OVCH1: variants seen among roughly 807,000 people sequenced by gnomAD.
OVCH1 encodes the protein ovochymase 1, also known as ovochymase-1.
Under a neutral mutation model 138.4 loss-of-function variants are expected in OVCH1, and 139 were observed. The observed-to-expected ratio is 1.00, with a 90% confidence interval of 0.87 to 1.16. OVCH1 has a LOEUF of 1.16. Among genes scored for constraint, OVCH1 ranks in the 50% most tolerant of loss-of-function variants. The probability of loss-of-function intolerance (pLI) is 0.00; values close to 1 mark genes in which losing one functional copy is unlikely to be tolerated. For missense variants in OVCH1, 1,367 were observed against 1,357.9 expected, an observed-to-expected ratio of 1.01 and a Z score of -0.11; for synonymous variants, 453 against 467.8, an observed-to-expected ratio of 0.97 and a Z score of 0.41.
chr12:29,405,277 C>T, the OVCH1 span, among the ~76,000 whole-genome samples: 1 of 151,830 alleles, frequency 6.6e-6, no homozygotes, highest in Non-Finnish European at 1.5e-5. Context: ...TATGAATCAG[C>T]AAATGCCAGT....
intron 22 of OVCH1, among the ~76,000 whole-genome samples, chr12:29,447,139 T>TA (rs1233199288): frequency 6.6e-6 from 1 of 151,884 alleles, no homozygotes; most frequent in Non-Finnish European, 1.5e-5. Flanking sequence ...TACTCAAATT[T>TA]AAAAACTGGA....
intron 14 of OVCH1, 32 bp downstream of exon 14, chr12:29,475,029 A>G (rs1473079132): frequency 1.3e-6 from 2 of 1,563,320 alleles, no homozygotes; most frequent in Non-Finnish European, 8.7e-7. Flanking sequence ...TGCATAAACA[A>G]AAGTCCTTAT....
intron 6 of OVCH1, among the ~76,000 whole-genome samples, chr12:29,488,620 C>CAAA (rs67595567): frequency 6.1e-3 from 375 of 61,544 alleles, no homozygotes; most frequent in Middle Eastern, 9.8e-3. Flanking sequence ...GACTCCATCT[C>CAAA]AAAAAAAAAA....
intron 8 of OVCH1, among the ~76,000 whole-genome samples, chr12:29,485,965 A>T (rs1943089055): frequency 1.3e-5 from 1 of 77,956 alleles, no homozygotes; most frequent in African/African-American, 5.4e-5. Context: ...AAATAAAATA[A>T]AATAAAATAA....
chr12:29,445,494 G>T, intron 22 of OVCH1, 91 bp from the exon 23 acceptor site: 1 of 1,273,382 alleles, frequency 7.9e-7, no homozygotes, highest in Non-Finnish European at 1.1e-6. Context: ...TTTAACCCAC[G>T]AGGTAGGAAT....
intron 22 of OVCH1, among the ~76,000 whole-genome samples, chr12:29,448,539 AGGTATT>A (rs1385611433): frequency 1.3e-5 from 2 of 152,090 alleles, no homozygotes; most frequent in South Asian, 2.1e-4. Context: ...TAAGAATGAG[AGGTATT>A]GGGAACCCAT....
At chr12:29,487,226 A>G in intron 7 of OVCH1, 1 of 180,134 alleles carries the variant, frequency 5.6e-6, no homozygotes, top group Non-Finnish European at 1.2e-5. Flanking sequence ...TGGTATCTCC[A>G]GGCCCACATT....
At chr12:29,436,440 ATT>A (rs1330612345) in intron 26 of OVCH1, among the ~76,000 whole-genome samples, 3 of 152,184 alleles carry the variant, frequency 2.0e-5, no homozygotes, top group South Asian at 2.1e-4. Context: ...AAATTTTCTC[ATT>A]TGTTTTAAAA....
chr12:29,414,556 AAAC>A (rs1941007319), intron 3 of OVCH1, among the ~76,000 whole-genome samples: 1 of 152,212 alleles, frequency 6.6e-6, no homozygotes, highest in African/African-American at 2.4e-5. Context: ...TGTACTTTAA[AAAC>A]TAGCAACTAT....
intron 22 of OVCH1, among the ~76,000 whole-genome samples, chr12:29,448,469 T>G (rs1041777175): frequency 6.6e-6 from 1 of 151,972 alleles, no homozygotes; most frequent in Non-Finnish European, 1.5e-5. Flanking sequence ...TTGAAGGACA[T>G]GAGGCACAAG....
intron 16 of OVCH1, among the ~76,000 whole-genome samples, chr12:29,470,736 T>C (rs1942477455): frequency 6.6e-6 from 1 of 152,206 alleles, no homozygotes. Flanking sequence ...ATATACCCAG[T>C]AATGTGATTG....
intron 6 of OVCH1, 56 bp from the exon 7 acceptor site, chr12:29,487,938 C>T (rs1943159661): frequency 6.7e-7 from 1 of 1,489,036 alleles, no homozygotes; most frequent in South Asian, 1.3e-5. Context: ...TAAAATATTT[C>T]ATCATTTCTG....
intron 27 of OVCH1, chr12:29,431,031 C>T (rs1941258423): frequency 5.3e-6 from 2 of 376,742 alleles, no homozygotes; most frequent in African/African-American, 4.2e-5. Context: ...TAAGAACATT[C>T]AGGGTCAATA....
At chr12:29,432,706 G>C (rs1401513505) in intron 27 of OVCH1, among the ~76,000 whole-genome samples, 2 of 152,142 alleles carry the variant, frequency 1.3e-5, no homozygotes, top group African/African-American at 4.8e-5. Context: ...CACTAAGGAA[G>C]GAGTATAGGT....
At chr12:29,427,785 T>C in intron 27 of OVCH1, 1 of 1,233,092 alleles carries the variant, frequency 8.1e-7, no homozygotes, top group Non-Finnish European at 1.1e-6. Flanking sequence ...AGGTCCAAAA[T>C]CTTTACAGAA....
At chr12:29,433,853 A>G in intron 26 of OVCH1, 1 of 1,350,592 alleles carries the variant, frequency 7.4e-7, no homozygotes, top group Non-Finnish European at 9.8e-7. Flanking sequence ...AATGCCTCCC[A>G]AACTGTATTT....
chr12:29,465,323 A>G, intron 16 of OVCH1, 104 bp from the exon 17 acceptor site: 1 of 951,426 alleles, frequency 1.1e-6, no homozygotes, highest in South Asian at 1.8e-5. Context: ...CTTTCTGAAG[A>G]CGTTCTGAGG....
intron 7 of OVCH1, 90 bp downstream of exon 7, chr12:29,487,603 T>C (rs1943147645): frequency 7.9e-7 from 1 of 1,261,320 alleles, no homozygotes; most frequent in East Asian, 2.6e-5. Context: ...ATTCTTGCTT[T>C]GTTCTAAAGC....
chr12:29,487,785 A>C, exon 7 of OVCH1: 1 of 1,606,672 alleles, frequency 6.2e-7, no homozygotes, highest in Non-Finnish European at 8.5e-7. Context: ...TCTTACGGGA[A>C]CTGAACCTCC....
Sources: allele counts gnomAD v4.1 joint callset (sites outside exome capture counted in the v4.1 genomes callset), GRCh38; gene constraint gnomAD v4.1.1; transcripts MANE v1.5; gene names NCBI Gene and HGNC (gene_info 2026-07-23, HGNC 2026-07-21).